The following PIGU variants were observed in gnomAD, a reference collection of about 807,000 sequenced individuals.
The protein encoded by PIGU is GPI-anchor transamidase component PIGU.
Under a neutral mutation model 49.9 loss-of-function variants are expected in PIGU, and 24 were observed. That is an observed-to-expected ratio of 0.48 (90% confidence interval 0.35 to 0.68). The LOEUF is 0.68. Ranked by LOEUF, PIGU falls within the 30% of genes least tolerant of loss-of-function variation. The pLI, the probability that PIGU is intolerant of heterozygous loss-of-function variation, is 0.01. For synonymous variants in PIGU, 220 were observed against 205.7 expected, an observed-to-expected ratio of 1.07 and a Z score of -0.59; for missense variants, 490 against 532.6, an observed-to-expected ratio of 0.92 and a Z score of 0.79.
At chr20:34,612,841 T>A (rs917994672) in intron 7 of PIGU, among the ~76,000 whole-genome samples, 21 of 152,048 alleles carry the variant, frequency 1.4e-4, no homozygotes, top group Admixed American at 9.8e-4. Flanking sequence ...CAGGCTGGTC[T>A]CAAACTCCTG....
chr20:34,631,809 T>C lies in PIGU; in HGVS notation c.529+2806A>G, dbSNP rs1379881999. On this transcript the variant is annotated intron_variant, in intron 6 of 11. Transcript: ENST00000217446. Reference sequence around the variant, plus strand: ...TATTTTTTTTTTTTTTTTTTTTTTTTTTTTTTTAGTAGAGACGGGGTTTCA... The same window carrying C: ...TATTTTTTTTTTTTTTTTTTTTTTTCTTTTTTTAGTAGAGACGGGGTTTCA... Among the ~76,000 whole-genome samples the C allele has an allele frequency of 6.0e-5, 4 of 66,750 alleles. No homozygotes were observed. The Admixed American group carries it at 8.7e-4, about 14-fold the overall frequency. The allele number at this position is 66,750 out of a possible 152,430, so 43.8% of individuals were successfully genotyped here.
At chr20:34,612,799 T>C (rs1984870024) in intron 7 of PIGU, among the ~76,000 whole-genome samples, 1 of 151,758 alleles carries the variant, frequency 6.6e-6, no homozygotes, top group Non-Finnish European at 1.5e-5. Context: ...ATTTTTGTAG[T>C]TTTAGTAGAG....
At chr20:34,649,276 T>A (rs1986452524) in intron 2 of PIGU, among the ~76,000 whole-genome samples, 1 of 152,008 alleles carries the variant, frequency 6.6e-6, no homozygotes, top group African/African-American at 2.4e-5. Flanking sequence ...TTGAAAAAAA[T>A]TTCATCCATA....
chr20:34,611,432 G>A (rs1280505576), intron 7 of PIGU, among the ~76,000 whole-genome samples: 1 of 151,848 alleles, frequency 6.6e-6, no homozygotes, highest in Non-Finnish European at 1.5e-5. Flanking sequence ...AGATCATGAG[G>A]TCAGGAGATT....
chr20:34,657,300 T>C (rs1349799337), intron 1 of PIGU, 56 bp from the exon 2 acceptor site: 8 of 1,324,572 alleles, frequency 6.0e-6, no homozygotes, highest in South Asian at 2.4e-5. Context: ...ACAGACCAAA[T>C]TGTTAGATAC....
intron 9 of PIGU, among the ~76,000 whole-genome samples, chr20:34,584,854 A>AT (rs1482045493): frequency 6.6e-6 from 1 of 151,952 alleles, no homozygotes; most frequent in Non-Finnish European, 1.5e-5. Context: ...TACCTGGCAA[A>AT]TTTTTGTATT....
chr20:34,657,260 T>C lies in PIGU; in HGVS notation c.131-16A>G, dbSNP rs758372664. On this transcript the variant is annotated splice_polypyrimidine_tract_variant and intron_variant, in intron 1 of 11. Coordinates refer to ENST00000217446, the MANE Select transcript of PIGU (RefSeq NM_080476.5). ...CCTTCAACCACTGAAAAATTAGATA[T>C]ACAAGTTCACTCAGACTAAGCAGGC... 1.1e-5 allele frequency: 18 copies of C among 1,602,404 alleles called. No homozygotes were observed. The highest frequency in any genetic ancestry group is 1.7e-4 in the Middle Eastern group (1 of 6,036).
rs532237860 is a variant in PIGU, at chr20:34,561,731, C to T, written c.1195-752G>A. On this transcript the variant is annotated intron_variant, in intron 11 of 11. Transcript: ENST00000217446. ...CTGAGACCTTGCTAGGGTCCCTGTCCGCCCTCTCCCGGCTCCACCTCACCC... is the reference window on the plus strand; with the variant it reads ...CTGAGACCTTGCTAGGGTCCCTGTCTGCCCTCTCCCGGCTCCACCTCACCC... Among the ~76,000 whole-genome samples, 13 of 152,108 alleles carry T rather than the reference C, an allele frequency of 8.5e-5. No individual in the cohort carries two copies. The East Asian group carries it at 9.7e-4, about 11-fold the overall frequency.
intron 7 of PIGU, among the ~76,000 whole-genome samples, chr20:34,611,116 G>A (rs1054845612): frequency 1.3e-5 from 2 of 152,102 alleles, no homozygotes; most frequent in African/African-American, 4.8e-5. Flanking sequence ...AGAAAACCTA[G>A]GCAGTACCAT....
chr20:34,631,790 T>C (rs1600644464), intron 6 of PIGU, among the ~76,000 whole-genome samples: 1 of 12,904 alleles, frequency 7.7e-5, no homozygotes, highest in Admixed American at 1.5e-3. Context: ...TATATATTTT[T>C]TTTTTTTTTT....
At chr20:34,604,165 G>A (rs916788700) in intron 7 of PIGU, among the ~76,000 whole-genome samples, 1 of 152,042 alleles carries the variant, frequency 6.6e-6, no homozygotes, top group Non-Finnish European at 1.5e-5. Context: ...ATGTTAACTC[G>A]CAGTTACAAT....
intron 1 of PIGU, among the ~76,000 whole-genome samples, chr20:34,668,486 G>GT (rs1243578092): frequency 3.0e-5 from 3 of 101,068 alleles, no homozygotes; most frequent in Non-Finnish European, 6.1e-5. Context: ...AAAAAAAAGG[G>GT]GGGGGCGGGC....
chr20:34,563,464 G>T (rs1019226935), intron 11 of PIGU, among the ~76,000 whole-genome samples: 2 of 152,208 alleles, frequency 1.3e-5, no homozygotes, highest in African/African-American at 4.8e-5. Flanking sequence ...CTACTTGGGA[G>T]GCTGAAGGCA....
chr20:34,651,453 T>C (rs949343162), intron 2 of PIGU, among the ~76,000 whole-genome samples: 30 of 152,380 alleles, frequency 2.0e-4, no homozygotes, highest in Middle Eastern at 6.8e-3. Flanking sequence ...CTTTTTGTAC[T>C]TTCCCCTCTG....
At chr20:34,612,532 T>A (rs897677087) in intron 7 of PIGU, among the ~76,000 whole-genome samples, 14 of 150,774 alleles carry the variant, frequency 9.3e-5, no homozygotes, top group East Asian at 3.9e-4. Flanking sequence ...AAGTAAAATT[T>A]AAAAAAAAAT....
At chr20:34,658,127 C>A (rs529751269) in intron 1 of PIGU, among the ~76,000 whole-genome samples, 1 of 152,290 alleles carries the variant, frequency 6.6e-6, no homozygotes, top group East Asian at 1.9e-4. Context: ...CCAGTGCCTG[C>A]GATTGCAGGC....
chr20:34,658,044 C>G (rs1444889031), intron 1 of PIGU, among the ~76,000 whole-genome samples: 1 of 151,736 alleles, frequency 6.6e-6, no homozygotes. Flanking sequence ...TGATGCCGAG[C>G]CGAAGCTGGA....
At chr20:34,645,127 G>A in intron 3 of PIGU, 148 bp downstream of exon 3, 4 of 796,064 alleles carry the variant, frequency 5.0e-6, no homozygotes, top group East Asian at 6.9e-5. Context: ...GCTGAAATGG[G>A]AGGACCACTT....
chr20:34,635,503 A>C (rs946388913), intron 5 of PIGU, among the ~76,000 whole-genome samples: 1 of 152,224 alleles, frequency 6.6e-6, no homozygotes, highest in African/African-American at 2.4e-5. Flanking sequence ...AATGTTTGTG[A>C]GTAGGGAAAT....
Sources: allele counts gnomAD v4.1 joint callset (sites outside exome capture counted in the v4.1 genomes callset), GRCh38; gene constraint gnomAD v4.1.1; transcripts MANE v1.5; gene names NCBI Gene and HGNC (gene_info 2026-07-23, HGNC 2026-07-21).